CYP2E1: variants seen among roughly 807,000 people sequenced by gnomAD.
The protein encoded by CYP2E1 is cytochrome P450 2E1.
In CYP2E1, 31 loss-of-function variants were observed where a neutral mutation model predicts 42.9. The ratio of observed to expected loss-of-function variants is 0.72; its 90% confidence interval spans 0.54 to 0.98. The LOEUF is 0.98. Ranked by LOEUF, CYP2E1 falls within the 50% of genes least tolerant of loss-of-function variation. The pLI, the probability that CYP2E1 is intolerant of heterozygous loss-of-function variation, is 0.00. For synonymous variants in CYP2E1, 244 were observed against 248.9 expected (o/e 0.98, Z 0.19); for missense variants, 565 against 633.2 (o/e 0.89, Z 1.16).
chr10:133,536,954 A>G lies in CYP2E1; in HGVS notation c.968-109A>G, dbSNP rs1851413021. The G allele has an allele frequency of 1.8e-5, 15 of 835,044 alleles. No homozygotes were observed. In the South Asian group the frequency reaches 2.1e-4, roughly 12 times the overall value. The allele number at this position is 835,044 out of a possible 1,614,324, so 51.7% of individuals were successfully genotyped here. A position where few individuals can be genotyped will look rare whatever the true frequency, so the allele number is the denominator to read the frequency against. ...TAGATGGAGGGGTGGATGGATGTGT[A>G]GGTGGGCAGATGGATAAAAGCGTGA... is the stretch of plus-strand genomic sequence containing the variant. On this transcript the variant is annotated intron_variant, in intron 6 of 8. Transcript: ENST00000252945.
intron 8 of CYP2E1, 32 bp from the exon 9 acceptor site, chr10:133,538,748 C>T: frequency 6.3e-7 from 1 of 1,589,718 alleles, no homozygotes; most frequent in Non-Finnish European, 8.6e-7. Context: ...GAAACTCCCT[C>T]AGTGTCTCAT....
intron 2 of CYP2E1, among the ~76,000 whole-genome samples, chr10:133,531,115 T>C (rs989013802): frequency 6.6e-6 from 1 of 152,088 alleles, no homozygotes; most frequent in Non-Finnish European, 1.5e-5. Context: ...AAACTTGCTG[T>C]GGAGTCGGAA....
intron 1 of CYP2E1, 200 bp from the exon 2 acceptor site, chr10:133,528,281 A>AC (rs1422710177): frequency 5.1e-6 from 3 of 591,984 alleles, no homozygotes; most frequent in Admixed American, 3.0e-5. Flanking sequence ...AGCAGCTGGA[A>AC]CCCCCCGAGC....
chr10:133,537,507 C>T (rs1285139270), intron 7 of CYP2E1: 6 of 596,098 alleles, frequency 1.0e-5, no homozygotes, highest in Non-Finnish European at 1.8e-5. Flanking sequence ...AATTCTAATG[C>T]CAGGAACAAA....
intron 8 of CYP2E1, 147 bp from the exon 9 acceptor site, chr10:133,538,633 T>G: frequency 1.4e-6 from 1 of 692,796 alleles, no homozygotes; most frequent in East Asian, 2.5e-5. Flanking sequence ...TTTGTGCTTC[T>G]TTTAATAGGC....
At chr10:133,536,616 G>A in intron 6 of CYP2E1, among the ~76,000 whole-genome samples, 1 of 45,764 alleles carries the variant, frequency 2.2e-5, no homozygotes, top group Non-Finnish European at 5.2e-5. Flanking sequence ...TGGGTGGGTG[G>A]GTGGGTGGAT....
chr10:133,532,285 G>T lies in CYP2E1; in HGVS notation c.648+1G>T. On this transcript the variant is annotated splice_donor_variant, in intron 4 of 8. Transcript: ENST00000252945. LOFTEE classifies it high-confidence loss of function. Reference sequence around the variant, plus strand: ...CCTACTCAGCACTCCCTGGCTCCAGGTGAAGCCACTTTCCTCTTTCATCAG... The same window carrying T: ...CCTACTCAGCACTCCCTGGCTCCAGTTGAAGCCACTTTCCTCTTTCATCAG... The T allele has an allele frequency of 1.2e-6, 2 of 1,610,142 alleles. No individual in the cohort carries two copies. The highest frequency in any genetic ancestry group is 2.2e-5 in the East Asian group (1 of 44,750).
At chr10:133,531,437 G>A (rs1157337944) in intron 2 of CYP2E1, 148 bp from the exon 3 acceptor site, 3 of 959,054 alleles carry the variant, frequency 3.1e-6, no homozygotes, top group Non-Finnish European at 4.9e-6. Flanking sequence ...CCCAGGCTGG[G>A]ACACCCCTCT....
intron 1 of CYP2E1, 87 bp from the exon 2 acceptor site, chr10:133,528,394 C>T (rs1851296488): frequency 1.3e-6 from 2 of 1,503,002 alleles, no homozygotes; most frequent in South Asian, 2.4e-5. Flanking sequence ...AGAGCAACAG[C>T]AATACCCGCC....
At chr10:133,536,410 C>CGGATGGATGGATGGATGGAT (rs1564849578) in intron 6 of CYP2E1, among the ~76,000 whole-genome samples, 1 of 148,868 alleles carries the variant, frequency 6.7e-6, no homozygotes, top group Non-Finnish European at 1.5e-5. Context: ...GGTGGATGGA[C>CGGATGGATGGATGGATGGAT]GGACGGATGG....
intron 2 of CYP2E1, 146 bp from the exon 3 acceptor site, chr10:133,531,439 C>T (rs1424671123): frequency 1.4e-5 from 14 of 968,362 alleles, no homozygotes; most frequent in South Asian, 2.9e-5. Context: ...CAGGCTGGGA[C>T]ACCCCTCTGT....
chr10:133,537,299 T>C, intron 7 of CYP2E1, 49 bp downstream of exon 7: 2 of 1,575,184 alleles, frequency 1.3e-6, no homozygotes, highest in South Asian at 1.2e-5. Flanking sequence ...TCCTATCAGC[T>C]AATCGCCTTC....
At chr10:133,537,287 C>A in intron 7 of CYP2E1, 37 bp downstream of exon 7, 1 of 1,594,322 alleles carries the variant, frequency 6.3e-7, no homozygotes, top group Non-Finnish European at 8.6e-7. Context: ...GCATGAACAC[C>A]ATCCTATCAG....
intron 7 of CYP2E1, 117 bp downstream of exon 7, chr10:133,537,367 G>A (rs8192777): frequency 1.9e-6 from 2 of 1,039,552 alleles, no homozygotes; most frequent in Non-Finnish European, 1.4e-6. Context: ...GGTCACTGAG[G>A]GGAAGGGCTG....
chr10:133,535,426 A>G (rs1029963485), intron 6 of CYP2E1, among the ~76,000 whole-genome samples: 1 of 152,110 alleles, frequency 6.6e-6, no homozygotes, highest in Admixed American at 6.5e-5. Flanking sequence ...TGGCCTCCCA[A>G]AGTGCTGGGG....
intron 6 of CYP2E1, among the ~76,000 whole-genome samples, chr10:133,535,698 G>A (rs757387301): frequency 8.5e-5 from 13 of 152,148 alleles, no homozygotes; most frequent in Admixed American, 2.6e-4. Flanking sequence ...CAAATTGAAC[G>A]TTTATTAACA....
rs1181707361 is a variant in CYP2E1, at chr10:133,537,828, A to G, written c.1233A>G (p.Pro411=). The part of the protein sequence containing the change: ...QEFPDPEKFK[P]EHFLNENGKF... ...TTCCTGATCCAGAAAAGTTTAAGCC[A>G]GAACACTTCCTGAATGAAAATGGAA... The change falls in exon 8 of 9, where the codon CCA becomes CCG. Residue 411 remains proline (P), a synonymous_variant. Coordinates refer to ENST00000252945, the MANE Select transcript of CYP2E1 (RefSeq NM_000773.4). 1.2e-6 allele frequency: 2 copies of G among 1,613,990 alleles called. No homozygotes were observed. Among genetic ancestry groups the G allele is most frequent in the Non-Finnish European group, 1.7e-6 (2 of 1,179,874 alleles).
chr10:133,537,725 A>C (rs1375743511), intron 7 of CYP2E1, 26 bp from the exon 8 acceptor site: 2 of 1,601,578 alleles, frequency 1.2e-6, no homozygotes, highest in Non-Finnish European at 8.5e-7. Flanking sequence ...AACATGACTC[A>C]CTGAGACAGT....
At chr10:133,529,214 C>T (rs546553080) in intron 2 of CYP2E1, among the ~76,000 whole-genome samples, 3 of 152,338 alleles carry the variant, frequency 2.0e-5, no homozygotes, top group Admixed American at 2.0e-4. Context: ...CTTCCTGTCT[C>T]CAGAGCCCCG....
Sources: allele counts gnomAD v4.1 joint callset (sites outside exome capture counted in the v4.1 genomes callset), GRCh38; gene constraint gnomAD v4.1.1; transcripts MANE v1.5; gene names NCBI Gene and HGNC (gene_info 2026-07-23, HGNC 2026-07-21).